The following STK24 variants were observed in gnomAD, a reference collection of about 807,000 sequenced individuals.
The protein encoded by STK24 is serine/threonine kinase 24, also known as serine/threonine-protein kinase 24.
STK24 carries 21 observed loss-of-function variants against 55.6 expected under a neutral mutation model. The observed-to-expected ratio is 0.38, with a 90% CI of 0.27 to 0.54. The LOEUF (loss-of-function observed/expected upper bound fraction) is 0.54, where lower values mean the gene tolerates loss of function less well. Ranked by LOEUF, STK24 falls within the 20% of genes least tolerant of loss-of-function variation. The pLI, the probability that STK24 is intolerant of heterozygous loss-of-function variation, is 0.79. For missense variants in STK24, 383 were observed against 538.4 expected, an observed-to-expected ratio of 0.71 and a Z score of 2.86; for synonymous variants, 200 against 215.2, an observed-to-expected ratio of 0.93 and a Z score of 0.62.
At chr13:98,466,899 A>G (rs1189096863) in intron 5 of STK24, among the ~76,000 whole-genome samples, 1 of 152,152 alleles carries the variant, frequency 6.6e-6, no homozygotes, top group East Asian at 1.9e-4. Flanking sequence ...GAGTGGGTGT[A>G]CGCTCGCGAG....
At chr13:98,492,468 T>C (rs746135618) in intron 2 of STK24, among the ~76,000 whole-genome samples, 4 of 152,194 alleles carry the variant, frequency 2.6e-5, no homozygotes, top group Non-Finnish European at 5.9e-5. Flanking sequence ...GGTATTTAAA[T>C]CTTTTTCAGC....
intron 5 of STK24, among the ~76,000 whole-genome samples, chr13:98,472,388 G>C (rs567834617): frequency 6.6e-6 from 1 of 152,284 alleles, no homozygotes; most frequent in Non-Finnish European, 1.5e-5. Flanking sequence ...AGGTGGGTGC[G>C]GATGGCTCAG....
At chr13:98,571,165 C>T (rs899702476) in intron 1 of STK24, among the ~76,000 whole-genome samples, 5 of 152,182 alleles carry the variant, frequency 3.3e-5, no homozygotes, top group African/African-American at 9.7e-5. Flanking sequence ...TGTAACCGCA[C>T]AAGCACAGCA....
chr13:98,464,895 G>A (rs3803253), intron 6 of STK24, among the ~76,000 whole-genome samples: 37,057 of 152,074 alleles, frequency 0.24, 4,739 homozygotes, highest in Non-Finnish European at 0.29. Flanking sequence ...GGAGCCAGGA[G>A]ATCCCCTTTT....
intron 2 of STK24, among the ~76,000 whole-genome samples, chr13:98,517,731 A>G (rs1181921143): frequency 2.0e-5 from 3 of 152,196 alleles, no homozygotes; most frequent in African/African-American, 7.2e-5. Context: ...AACTGGGTGC[A>G]CCACACAGCA....
chr13:98,559,181 A>G (rs1310844731), intron 1 of STK24, among the ~76,000 whole-genome samples: 1 of 152,076 alleles, frequency 6.6e-6, no homozygotes, highest in Non-Finnish European at 1.5e-5. Context: ...CTCAAAAAAA[A>G]AGAAAAAAGT....
At chr13:98,456,583 A>G (rs1157041007) in intron 10 of STK24, 1 of 486,354 alleles carries the variant, frequency 2.1e-6, no homozygotes, top group Non-Finnish European at 4.2e-6. Flanking sequence ...GGGAGGGGGC[A>G]GGGAGGGCAA....
intron 1 of STK24, among the ~76,000 whole-genome samples, chr13:98,561,924 C>T (rs1444687521): frequency 6.8e-6 from 1 of 147,700 alleles, no homozygotes; most frequent in Non-Finnish European, 1.5e-5. Flanking sequence ...TTGCAGTGAG[C>T]CGAGATCCCA....
chr13:98,469,200 C>G (rs1346145656), intron 5 of STK24, among the ~76,000 whole-genome samples: 1 of 152,204 alleles, frequency 6.6e-6, no homozygotes, highest in East Asian at 1.9e-4. Context: ...CTGAACGCAA[C>G]CCACGTATCA....
intron 1 of STK24, among the ~76,000 whole-genome samples, chr13:98,564,376 C>A (rs138521051): frequency 6.6e-6 from 1 of 152,194 alleles, no homozygotes; most frequent in African/African-American, 2.4e-5. Context: ...CTTCCCCTTA[C>A]GAGGGCTCCC....
intron 2 of STK24, among the ~76,000 whole-genome samples, chr13:98,514,729 G>T (rs979418143): frequency 3.9e-5 from 6 of 152,108 alleles, no homozygotes; most frequent in Non-Finnish European, 7.4e-5. Context: ...GGTTAAACTG[G>T]CTTGATGTTT....
intron 1 of STK24, among the ~76,000 whole-genome samples, chr13:98,523,694 CCAT>C (rs1053549779): frequency 2.6e-5 from 4 of 152,230 alleles, no homozygotes; most frequent in Admixed American, 6.5e-5. Context: ...CTGGCCTCAA[CCAT>C]GCCATTAGCT....
At chr13:98,497,180 T>G (rs1358922028) in intron 2 of STK24, among the ~76,000 whole-genome samples, 6 of 152,080 alleles carry the variant, frequency 3.9e-5, no homozygotes, top group Admixed American at 1.3e-4. Flanking sequence ...CTCACCGCCT[T>G]CCTCTGGGGT....
At chr13:98,507,971 G>A (rs1489905484) in intron 2 of STK24, among the ~76,000 whole-genome samples, 1 of 151,826 alleles carries the variant, frequency 6.6e-6, no homozygotes, top group East Asian at 1.9e-4. Flanking sequence ...GGCCCAAAAT[G>A]CAACAGGGAA....
At chr13:98,456,408 C>G (rs1232502740) in intron 10 of STK24, 13 of 461,868 alleles carry the variant, frequency 2.8e-5, no homozygotes, top group African/African-American at 2.6e-4. Context: ...AAGGCAGCAG[C>G]ACGCCTGGTC....
intron 2 of STK24, among the ~76,000 whole-genome samples, chr13:98,484,706 G>A (rs1361849693): frequency 6.6e-6 from 1 of 152,096 alleles, no homozygotes; most frequent in Non-Finnish European, 1.5e-5. Context: ...TCCTTTTAAG[G>A]AGCCCTAGCA....
At chr13:98,554,100 G>A (rs1169666862) in intron 1 of STK24, among the ~76,000 whole-genome samples, 1 of 151,656 alleles carries the variant, frequency 6.6e-6, no homozygotes, top group Non-Finnish European at 1.5e-5. Context: ...AAAGAAGGGG[G>A]AGGAAGCTGA....
intron 1 of STK24, chr13:98,553,165 A>G (rs1015404209): frequency 1.3e-5 from 2 of 152,250 alleles, no homozygotes; most frequent in African/African-American, 4.8e-5. Context: ...CCACCACGGT[A>G]GGCTAAGCTC....
Position 98,446,933 on chromosome 13 carries a change from C to T in STK24, c.*6240G>A, listed in dbSNP as rs1301445568. On this transcript the variant is annotated 3_prime_UTR_variant, in exon 11 of 11. Transcript: ENST00000539966. The stretch of plus-strand genomic sequence containing the variant: ...GCCCCACCCTTCCCTGCCAACTAAG[C>T]GTTTAGACCTGGGGTCCCACTGCCC... 10 of 1,143,500 alleles carry T rather than the reference C, an allele frequency of 8.7e-6. No individual in the cohort carries two copies. Among genetic ancestry groups the T allele is most frequent in the Admixed American group, 6.0e-5 (3 of 50,254 alleles). 70.8% of individuals were successfully genotyped at this position (1,143,500 alleles called of 1,614,324 possible).
Sources: gnomAD v4.1 joint callset for allele counts (sites outside exome capture counted in the v4.1 genomes callset) on GRCh38, gnomAD v4.1.1 for gene constraint, MANE v1.5 for transcripts, NCBI Gene and HGNC (gene_info 2026-07-23, HGNC 2026-07-21) for gene names.